The following UTS2 variants were observed in gnomAD, a reference collection of about 807,000 sequenced individuals.
UTS2 encodes the protein urotensin 2.
In UTS2, 10 loss-of-function variants were observed where a neutral mutation model predicts 12.6. That is an observed-to-expected ratio of 0.80 (90% CI 0.49 to 1.35). UTS2 has a LOEUF of 1.35. Among genes scored for constraint, UTS2 ranks in the 40% most tolerant of loss-of-function variants. UTS2 has a pLI of 0.00. For missense variants in UTS2, 142 were observed against 143.2 expected, an observed-to-expected ratio of 0.99 and a Z score of 0.04; for synonymous variants, 52 against 50.0, an observed-to-expected ratio of 1.04 and a Z score of -0.17.
the UTS2 span, among the ~76,000 whole-genome samples, chr1:7,889,489 G>GTAGA: frequency 7.5e-6 from 1 of 133,136 alleles, no homozygotes; most frequent in Non-Finnish European, 1.7e-5. Flanking sequence ...GAAAAGAAAA[G>GTAGA]AAAGTAGAAT....
At chr1:7,906,953 T>C in the UTS2 span, among the ~76,000 whole-genome samples, 9 of 152,228 alleles carry the variant, frequency 5.9e-5, no homozygotes, top group South Asian at 1.9e-3. Flanking sequence ...GCTAAAATAA[T>C]TATTGAAAGA....
chr1:7,872,640 A>T, the UTS2 span, among the ~76,000 whole-genome samples: 1 of 152,212 alleles, frequency 6.6e-6, no homozygotes, highest in Admixed American at 6.5e-5. Flanking sequence ...GAGGTGAGGA[A>T]GCTGCAGAAG....
the UTS2 span, among the ~76,000 whole-genome samples, chr1:7,895,031 C>T: frequency 5.9e-5 from 9 of 151,694 alleles, no homozygotes; most frequent in Non-Finnish European, 1.2e-4. Flanking sequence ...TCTTCTTCGT[C>T]GGCTTTGTGC....
At chr1:7,896,670 G>A in the UTS2 span, among the ~76,000 whole-genome samples, 5 of 151,724 alleles carry the variant, frequency 3.3e-5, no homozygotes, top group South Asian at 6.2e-4. Context: ...TTGACAATTA[G>A]GTTCATCAGA....
the UTS2 span, among the ~76,000 whole-genome samples, chr1:7,890,786 C>T: frequency 6.9e-6 from 1 of 144,592 alleles, no homozygotes; most frequent in South Asian, 2.2e-4. Context: ...GTCCCAGCTA[C>T]TCGAGAGGCT....
At chr1:7,901,133 A>G in the UTS2 span, among the ~76,000 whole-genome samples, 1 of 152,290 alleles carries the variant, frequency 6.6e-6, no homozygotes, top group South Asian at 2.1e-4. Flanking sequence ...TTTCAAATGT[A>G]TTGGCAAAAA....
At chr1:7,877,046 C>G in the UTS2 span, among the ~76,000 whole-genome samples, 1 of 145,380 alleles carries the variant, frequency 6.9e-6, no homozygotes, top group Non-Finnish European at 1.5e-5. Flanking sequence ...AGGAGAATTG[C>G]TTGAACCCCA....
chr1:7,879,400 C>T, the UTS2 span, among the ~76,000 whole-genome samples: 6 of 152,158 alleles, frequency 3.9e-5, no homozygotes, highest in Admixed American at 3.9e-4. Flanking sequence ...ATGACATGCT[C>T]CTGAGTGACC....
Position 7,847,755 on chromosome 1 carries a change from C to T in UTS2, c.*11G>A. ...GTGTTTCTGAGCTGACTAACAGATGCTTATTTCACTTCAGACACAGTATTT... is the reference window on the plus strand; with the variant it reads ...GTGTTTCTGAGCTGACTAACAGATGTTTATTTCACTTCAGACACAGTATTT... On this transcript the variant is annotated 3_prime_UTR_variant, in exon 4 of 4. Transcript: ENST00000361696. 4 of 1,584,308 alleles carry T rather than the reference C, an allele frequency of 2.5e-6. No individual in the cohort carries two copies. Among genetic ancestry groups the T allele is most frequent in the Non-Finnish European group, 3.5e-6 (4 of 1,156,146 alleles).
At chr1:7,912,270 C>A in the UTS2 span, among the ~76,000 whole-genome samples, 7 of 152,156 alleles carry the variant, frequency 4.6e-5, no homozygotes, top group African/African-American at 9.7e-5. Flanking sequence ...TGAAAACCAG[C>A]ACCTTCTTAA....
At chr1:7,910,771 G>C in the UTS2 span, among the ~76,000 whole-genome samples, 2 of 152,048 alleles carry the variant, frequency 1.3e-5, no homozygotes, top group Non-Finnish European at 2.9e-5. Context: ...CTGTCTCCCA[G>C]GCTGGAGTGC....
the UTS2 span, among the ~76,000 whole-genome samples, chr1:7,896,615 G>C: frequency 6.6e-6 from 1 of 151,876 alleles, no homozygotes. Flanking sequence ...TGTAATATCT[G>C]ATAAGATTTT....
the UTS2 span, among the ~76,000 whole-genome samples, chr1:7,870,170 G>T: frequency 6.6e-6 from 1 of 152,200 alleles, no homozygotes; most frequent in Non-Finnish European, 1.5e-5. Flanking sequence ...ACCTTCAAAG[G>T]TGGCTGTATT....
chr1:7,877,671 G>A, the UTS2 span, among the ~76,000 whole-genome samples: 3 of 152,110 alleles, frequency 2.0e-5, no homozygotes, highest in Admixed American at 6.6e-5. Flanking sequence ...TCAGGAGTTC[G>A]AGACCAGCCT....
At chr1:7,883,349 A>G in the UTS2 span, among the ~76,000 whole-genome samples, 1 of 152,182 alleles carries the variant, frequency 6.6e-6, no homozygotes, top group African/African-American at 2.4e-5. Flanking sequence ...ATGGAGGTAG[A>G]GAGTAGAATG....
At chr1:7,910,750 A>C in the UTS2 span, among the ~76,000 whole-genome samples, 2 of 152,140 alleles carry the variant, frequency 1.3e-5, no homozygotes, top group Non-Finnish European at 2.9e-5. Context: ...TTTTTCAGAC[A>C]GGGACTTGCT....
chr1:7,908,829 C>T, the UTS2 span, among the ~76,000 whole-genome samples: 1,122 of 147,714 alleles, frequency 7.6e-3, 11 homozygotes, highest in African/African-American at 0.027. Flanking sequence ...TTTTTTGAGA[C>T]GGAGTTTTGC....
At chr1:7,902,870 G>A in the UTS2 span, among the ~76,000 whole-genome samples, 1,668 of 152,272 alleles carry the variant, frequency 0.011, 34 homozygotes, top group African/African-American at 0.039. Context: ...AGAGAATGCG[G>A]GGTTCCTTCC....
At chr1:7,895,817 A>AT in the UTS2 span, among the ~76,000 whole-genome samples, 1 of 152,170 alleles carries the variant, frequency 6.6e-6, no homozygotes, top group African/African-American at 2.4e-5. Flanking sequence ...TATTTGAGTG[A>AT]TTTTCACTTC....
Sources: gnomAD v4.1 joint callset for allele counts (sites outside exome capture counted in the v4.1 genomes callset) on GRCh38, gnomAD v4.1.1 for gene constraint, MANE v1.5 for transcripts, NCBI Gene and HGNC (gene_info 2026-07-23, HGNC 2026-07-21) for gene names.